The following ZNF362 variants were observed in gnomAD, a reference collection of about 807,000 sequenced individuals.
The protein encoded by ZNF362 is zinc finger protein 362, also known as rotund homolog.
Under a neutral mutation model 42.9 loss-of-function variants are expected in ZNF362, and 11 were observed. The ratio of observed to expected loss-of-function variants is 0.26; its 90% CI spans 0.16 to 0.42. ZNF362 has a LOEUF of 0.42. Ranked by LOEUF, ZNF362 falls within the 20% of genes least tolerant of loss-of-function variation. The probability of loss-of-function intolerance (pLI) is 1.00; values close to 1 mark genes in which losing one functional copy is unlikely to be tolerated. For synonymous variants in ZNF362, 255 were observed against 257.3 expected, an observed-to-expected ratio of 0.99 and a Z score of 0.09; for missense variants, 362 against 576.2, an observed-to-expected ratio of 0.63 and a Z score of 3.81.
chr1:33,147,927 A>G, the ZNF362 span, among the ~76,000 whole-genome samples: 1 of 152,170 alleles, frequency 6.6e-6, no homozygotes, highest in Non-Finnish European at 1.5e-5. The surrounding 1 kb of genome is among the most constrained non-coding windows in gnomAD (Gnocchi z 8.1). Context: ...AGGTCCTTCC[A>G]GATATTGTCT....
the ZNF362 span, among the ~76,000 whole-genome samples, chr1:33,128,430 A>G: frequency 6.6e-6 from 1 of 152,206 alleles, no homozygotes; most frequent in Admixed American, 6.5e-5. Context: ...CACCTGACAC[A>G]TGGTAACCAC....
At chr1:33,188,633 C>A in the ZNF362 span, among the ~76,000 whole-genome samples, 1 of 152,256 alleles carries the variant, frequency 6.6e-6, no homozygotes, top group African/African-American at 2.4e-5. Context: ...AGAGCTCAGC[C>A]CTGCCTGTGC....
At chr1:33,237,030 C>G in the ZNF362 span, among the ~76,000 whole-genome samples, 4 of 152,134 alleles carry the variant, frequency 2.6e-5, no homozygotes, top group Non-Finnish European at 4.4e-5. Flanking sequence ...GAGATCACAC[C>G]ATTGCACTCC....
chr1:33,225,846 C>CCT, the ZNF362 span, among the ~76,000 whole-genome samples: 1 of 152,180 alleles, frequency 6.6e-6, no homozygotes, highest in East Asian at 1.9e-4. Flanking sequence ...CACAAGCAGA[C>CCT]ATGAAGATGT....
the ZNF362 span, among the ~76,000 whole-genome samples, chr1:33,233,183 T>C: frequency 1.3e-5 from 2 of 152,350 alleles, no homozygotes; most frequent in South Asian, 4.1e-4. Context: ...ATTCTCACTC[T>C]AAGCCCTGGG....
chr1:33,201,401 G>A, the ZNF362 span, among the ~76,000 whole-genome samples: 1 of 152,054 alleles, frequency 6.6e-6, no homozygotes, highest in Non-Finnish European at 1.5e-5. Context: ...CATGAAACAA[G>A]GATTGATAAA....
chr1:33,169,681 T>TACGACAC, the ZNF362 span, among the ~76,000 whole-genome samples: 1 of 152,232 alleles, frequency 6.6e-6, no homozygotes. Flanking sequence ...TGCTGTTCAA[T>TACGACAC]ACGACACACG....
the ZNF362 span, among the ~76,000 whole-genome samples, chr1:33,202,554 C>G: frequency 8.3e-4 from 124 of 149,932 alleles, no homozygotes; most frequent in Admixed American, 1.7e-3. Flanking sequence ...GCCGAGATTG[C>G]GCCACTGCAC....
At chr1:33,265,971 T>A (rs761255052) in intron 1 of ZNF362, among the ~76,000 whole-genome samples, 1 of 152,194 alleles carries the variant, frequency 6.6e-6, no homozygotes, top group African/African-American at 2.4e-5. Context: ...TGCAGTTCTT[T>A]CCACCTGCCA....
chr1:33,187,093 A>G, the ZNF362 span, among the ~76,000 whole-genome samples: 2 of 152,234 alleles, frequency 1.3e-5, no homozygotes, highest in South Asian at 4.2e-4. Context: ...AAACCTCAGA[A>G]TGATCGATGC....
At chr1:33,219,278 G>C in the ZNF362 span, among the ~76,000 whole-genome samples, 1 of 152,178 alleles carries the variant, frequency 6.6e-6, no homozygotes, top group Admixed American at 6.5e-5. Flanking sequence ...TAAAGTGTAC[G>C]GTTGGCGCTC....
chr1:33,299,059 C>A lies in ZNF362; in HGVS notation c.*13C>A. The A allele has an allele frequency of 6.3e-7, 1 of 1,597,174 alleles. No individual in the cohort carries two copies. Among genetic ancestry groups the A allele is most frequent in the Non-Finnish European group, 8.5e-7 (1 of 1,173,566 alleles). On this transcript the variant is annotated 3_prime_UTR_variant, in exon 9 of 9. Coordinates refer to ENST00000539719, the MANE Select transcript of ZNF362 (RefSeq NM_152493.3). ...CTCTCTCATCTGAGCCCACTGGAGG[C>A]GCCGCCCCACCCGGCCCACTGGCAG...
the ZNF362 span, chr1:33,181,132 G>A: frequency 9.4e-6 from 15 of 1,600,736 alleles, no homozygotes; most frequent in East Asian, 1.1e-4. This position sits in a 1 kb window ranked among gnomAD's most constrained non-coding sequence, Gnocchi z 6.5. Flanking sequence ...AGGCAGAAGA[G>A]CTTGACCTTG....
At chr1:33,155,756 C>G in the ZNF362 span, among the ~76,000 whole-genome samples, 2 of 152,202 alleles carry the variant, frequency 1.3e-5, no homozygotes, top group Non-Finnish European at 2.9e-5. Flanking sequence ...TAAAGGACAT[C>G]GTGCCTGACT....
At chr1:33,158,403 G>T in the ZNF362 span, 1 of 1,592,846 alleles carries the variant, frequency 6.3e-7, no homozygotes, top group South Asian at 1.1e-5. Flanking sequence ...CTGCACCAGG[G>T]ACTGGATTCC....
At chr1:33,250,633 C>T in the ZNF362 span, among the ~76,000 whole-genome samples, 1 of 151,972 alleles carries the variant, frequency 6.6e-6, no homozygotes, top group African/African-American at 2.4e-5. Context: ...CTAATGGATG[C>T]TGGGCTTAAT....
At chr1:33,241,333 A>G in the ZNF362 span, among the ~76,000 whole-genome samples, 1 of 152,066 alleles carries the variant, frequency 6.6e-6, no homozygotes, top group Admixed American at 6.5e-5. Context: ...CATCTCTACT[A>G]AAAATACAAA....
the ZNF362 span, chr1:33,146,271 C>T: frequency 5.0e-6 from 1 of 198,350 alleles, no homozygotes; most frequent in South Asian, 8.3e-5. Flanking sequence ...AGATAGATGC[C>T]AAGTCTGACA....
chr1:33,177,372 C>G, the ZNF362 span, among the ~76,000 whole-genome samples: 1 of 152,146 alleles, frequency 6.6e-6, no homozygotes, highest in African/African-American at 2.4e-5. The surrounding 1 kb of genome is among the most constrained non-coding windows in gnomAD (Gnocchi z 4.1). Context: ...CAACATCCTT[C>G]CCAGGAACAT....
Sources: gnomAD v4.1 joint callset for allele counts (sites outside exome capture counted in the v4.1 genomes callset) on GRCh38, gnomAD v4.1.1 for gene constraint, Gnocchi (gnomAD v3.1) non-coding constraint, MANE v1.5 for transcripts, NCBI Gene and HGNC (gene_info 2026-07-23, HGNC 2026-07-21) for gene names.